NFATC1: variants seen among roughly 807,000 people sequenced by gnomAD.
The protein encoded by NFATC1 is nuclear factor of activated T cells 1.
Under a neutral mutation model 76.0 loss-of-function variants are expected in NFATC1, and 22 were observed. The observed-to-expected ratio is 0.29, with a 90% CI of 0.21 to 0.41. The LOEUF is 0.41. Ranked by LOEUF, NFATC1 falls within the 10% of genes least tolerant of loss-of-function variation. NFATC1 has a pLI of 1.00. For missense variants in NFATC1, 1,357 were observed against 1,337.7 expected, an observed-to-expected ratio of 1.01 and a Z score of -0.23; for synonymous variants, 704 against 613.1, an observed-to-expected ratio of 1.15 and a Z score of -2.19.
At position 79,410,600 on chromosome 18, in the gene NFATC1, C is replaced by A. The variant is rs1248108505; in HGVS notation, c.325C>A (p.Pro109Thr). 6.2e-7 allele frequency: 1 copy of A among 1,612,776 alleles called. No homozygotes were observed. Among genetic ancestry groups the A allele is most frequent in the Non-Finnish European group, 8.5e-7 (1 of 1,180,006 alleles). ...GYFLSSGHTR[P>T]DGAPALESPR... ...CTTCCTCTCCTCCGGCCACACCAGG[C>A]CTGATGGGGCCCCTGCCCTGGAGAG... is the stretch of plus-strand genomic sequence containing the variant. Residue 109 changes from proline (P) to threonine (T), a missense_variant, in exon 2 of 10, where the codon CCT becomes ACT. By Grantham distance (38) the Pro-to-Thr change is conservative. Coordinates refer to ENST00000427363, the MANE Select transcript of NFATC1 (RefSeq NM_001278669.2). This position sits in a 1 kb window ranked among gnomAD's most constrained non-coding sequence, Gnocchi z 6.7.
chr18:79,413,933 G>C (rs1014799575), intron 2 of NFATC1, among the ~76,000 whole-genome samples: 2 of 152,160 alleles, frequency 1.3e-5, no homozygotes, highest in Non-Finnish European at 2.9e-5. Context: ...CGCCCAGTTA[G>C]GTGTGATGCC....
At chr18:79,444,187 CAT>C (rs1477033980) in intron 3 of NFATC1, among the ~76,000 whole-genome samples, 1 of 152,158 alleles carries the variant, frequency 6.6e-6, no homozygotes, top group East Asian at 1.9e-4. Flanking sequence ...AGGCTTGTCA[CAT>C]GTGGTGTGTG....
intron 8 of NFATC1, among the ~76,000 whole-genome samples, chr18:79,473,340 C>T (rs927144677): frequency 1.3e-5 from 2 of 152,292 alleles, no homozygotes; most frequent in African/African-American, 4.8e-5. Context: ...TTGCCTCGCT[C>T]TTCAGACGGC....
intron 9 of NFATC1, among the ~76,000 whole-genome samples, chr18:79,492,392 ATC>A (rs2089706178): frequency 6.6e-6 from 1 of 152,152 alleles, no homozygotes; most frequent in African/African-American, 2.4e-5. Flanking sequence ...GTAGAACCCC[ATC>A]TCTACTAAAA....
rs932294169 is a variant in NFATC1, at chr18:79,524,947, G to T, written c.2783-2581G>T. 6.6e-6 allele frequency among the ~76,000 whole-genome samples: 1 copy of T among 151,884 alleles called. No individual in the cohort carries two copies. On this transcript the variant is annotated intron_variant, in intron 9 of 9. Transcript: ENST00000427363. This position sits in a 1 kb window ranked among gnomAD's most constrained non-coding sequence, Gnocchi z 7.2. ...CACGAACACGATGGAGACCTCAGAC[G>T]CCGTCCCCACCCTGTCACTGTCACC...
chr18:79,488,242 C>A (rs1270898498), intron 9 of NFATC1, among the ~76,000 whole-genome samples: 1 of 147,710 alleles, frequency 6.8e-6, no homozygotes, highest in African/African-American at 2.7e-5. Context: ...CTTGAGCCCA[C>A]AGCCCTGGTG....
At chr18:79,399,798 A>G (rs1315043055) in intron 1 of NFATC1, among the ~76,000 whole-genome samples, 1 of 151,986 alleles carries the variant, frequency 6.6e-6, no homozygotes, top group African/African-American at 2.4e-5. Context: ...CCACGAACCC[A>G]GCGGGAATCC....
At chr18:79,422,877 A>G (rs61583665) in intron 2 of NFATC1, 46,107 of 151,594 alleles carry the variant, frequency 0.3, 7,495 homozygotes, top group African/African-American at 0.41. Flanking sequence ...ACACGTTAAC[A>G]TTTGGGAGGA....
chr18:79,524,330 G>C lies in NFATC1; in HGVS notation c.2783-3198G>C, dbSNP rs551310591. Among the ~76,000 whole-genome samples the C allele has an allele frequency of 2.6e-5, 4 of 152,250 alleles. No individual in the cohort carries two copies. The highest frequency in any genetic ancestry group is 5.9e-5 in the Non-Finnish European group (4 of 68,046). On this transcript the variant is annotated intron_variant, in intron 9 of 9. Coordinates refer to ENST00000427363, the MANE Select transcript of NFATC1 (RefSeq NM_001278669.2). This position sits in a 1 kb window ranked among gnomAD's most constrained non-coding sequence, Gnocchi z 7.2. ...GTCTGCGGGGCGAGCACGGCTCCAC[G>C]TACGGCTCTCGTCCGCGGTGTGGAT...
intron 7 of NFATC1, among the ~76,000 whole-genome samples, chr18:79,463,118 G>A (rs1436971474): frequency 6.6e-6 from 1 of 152,214 alleles, no homozygotes; most frequent in Non-Finnish European, 1.5e-5. Flanking sequence ...TTTTCCAAGT[G>A]GTTATCAGAT....
intron 9 of NFATC1, among the ~76,000 whole-genome samples, chr18:79,490,875 C>T (rs956775613): frequency 1.3e-5 from 2 of 152,134 alleles, no homozygotes; most frequent in South Asian, 4.2e-4. Context: ...GGCTCACAAA[C>T]GCCGTGACAT....
At position 79,465,680 on chromosome 18, in the gene NFATC1, C is replaced by T. The variant is rs1348349566; in HGVS notation, c.1960-1770C>T. 6.6e-6 allele frequency among the ~76,000 whole-genome samples: 1 copy of T among 152,270 alleles called. No individual in the cohort carries two copies. Among genetic ancestry groups the T allele is most frequent in the Non-Finnish European group, 1.5e-5 (1 of 68,046 alleles). Reference sequence around the variant, plus strand: ...GACGTTTCCTTCTTGTCTCTTCCCTCAGCTGCTTCTGCTCTAAAGACCCAC... The same window carrying T: ...GACGTTTCCTTCTTGTCTCTTCCCTTAGCTGCTTCTGCTCTAAAGACCCAC... On this transcript the variant is annotated intron_variant, in intron 7 of 9. Transcript: ENST00000427363. The surrounding 1 kb of genome is among the most constrained non-coding windows in gnomAD (Gnocchi z 4.2).
At chr18:79,485,728 G>A (rs1036681700) in intron 8 of NFATC1, among the ~76,000 whole-genome samples, 1 of 152,234 alleles carries the variant, frequency 6.6e-6, no homozygotes, top group Non-Finnish European at 1.5e-5. Context: ...GGAGCACCGT[G>A]GAGGCAGTCC....
intron 2 of NFATC1, among the ~76,000 whole-genome samples, chr18:79,418,446 T>C (rs2085953151): frequency 1.3e-5 from 2 of 152,170 alleles, no homozygotes; most frequent in South Asian, 4.1e-4. Context: ...TCAGCCCTCT[T>C]GTCACAAGGC....
intron 1 of NFATC1, among the ~76,000 whole-genome samples, chr18:79,397,643 A>G (rs76137363): frequency 6.6e-6 from 1 of 151,882 alleles, no homozygotes; most frequent in Admixed American, 6.6e-5. Context: ...AGTTTAAAAA[A>G]TTTTTTTTTG....
At chr18:79,510,647 C>G (rs967436498) in intron 9 of NFATC1, among the ~76,000 whole-genome samples, 2 of 152,260 alleles carry the variant, frequency 1.3e-5, no homozygotes, top group African/African-American at 4.8e-5. Flanking sequence ...GGATGAGATG[C>G]ATTCCCAGTT....
intron 5 of NFATC1, 45 bp from the exon 6 acceptor site, chr18:79,451,631 G>T (rs758212038): frequency 2.7e-6 from 4 of 1,474,124 alleles, no homozygotes; most frequent in Admixed American, 4.6e-5. Context: ...GCCCCAGGCC[G>T]CCCACTCAGG....
rs73969236 is a variant in NFATC1, at chr18:79,418,238, C to T, written c.1226+6737C>T. On this transcript the variant is annotated intron_variant, in intron 2 of 9. Transcript: ENST00000427363. ...CGTGCTGCCCCACCATGCCTTGCGA[C>T]GCTCTGTGGTAGGGAGCTGTCGGGT... Among the ~76,000 whole-genome samples, 1,273 of 152,240 alleles carry T rather than the reference C, an allele frequency of 8.4e-3. 15 individuals are homozygous for T. Among genetic ancestry groups the T allele is most frequent in the African/African-American group, 0.03 (1,230 of 41,530 alleles).
intron 2 of NFATC1, among the ~76,000 whole-genome samples, chr18:79,419,398 G>C (rs2085988706): frequency 6.6e-6 from 1 of 151,438 alleles, no homozygotes; most frequent in African/African-American, 2.4e-5. Context: ...AGGAGGGTCA[G>C]AACCTGCCCG....
Sources: allele counts gnomAD v4.1 joint callset (sites outside exome capture counted in the v4.1 genomes callset), GRCh38; gene constraint gnomAD v4.1.1; non-coding constraint Gnocchi (gnomAD v3.1); transcripts MANE v1.5; gene names NCBI Gene and HGNC (gene_info 2026-07-23, HGNC 2026-07-21).